Variants in NSMCE2 observed in about 807,000 individuals in gnomAD.
NSMCE2 encodes the protein E3 SUMO-protein ligase NSE2.
A neutral mutation model predicts 23.8 loss-of-function variants in NSMCE2; 24 were observed. That is an observed-to-expected ratio of 1.01 (90% CI 0.73 to 1.42). The LOEUF is 1.42. Among genes scored for constraint, NSMCE2 ranks in the 40% most tolerant of loss-of-function variants. The probability of loss-of-function intolerance (pLI) is 0.00; values close to 1 mark genes in which losing one functional copy is unlikely to be tolerated. For synonymous variants in NSMCE2, 92 were observed against 94.1 expected (o/e 0.98, Z 0.13); for missense variants, 284 against 296.5 (o/e 0.96, Z 0.31).
intron 5 of NSMCE2, among the ~76,000 whole-genome samples, chr8:125,268,531 G>A (rs1827039575): frequency 6.6e-6 from 1 of 152,182 alleles, no homozygotes; most frequent in Admixed American, 6.5e-5. Context: ...TGAAGCAGTG[G>A]TGTGATGAGT....
chr8:125,357,672 C>T (rs750778637), intron 6 of NSMCE2, 40 bp from the exon 7 acceptor site: 3 of 1,447,230 alleles, frequency 2.1e-6, no homozygotes, highest in Non-Finnish European at 2.9e-6. Context: ...GGAAGTTGAT[C>T]ATTATCATTC....
At chr8:125,311,477 C>T (rs1828970752) in intron 5 of NSMCE2, among the ~76,000 whole-genome samples, 1 of 152,218 alleles carries the variant, frequency 6.6e-6, no homozygotes, top group African/African-American at 2.4e-5. Flanking sequence ...TATGATGTCA[C>T]TAGAAGTTCT....
chr8:125,255,060 G>A lies in NSMCE2; in HGVS notation c.418+72804G>A, dbSNP rs370666970. Among the ~76,000 whole-genome samples the A allele has an allele frequency of 2.1e-3, 312 of 152,134 alleles. 1 individual carries two copies. Among genetic ancestry groups the A allele is most frequent in the Middle Eastern group, 0.01 (3 of 294 alleles). On this transcript the variant is annotated intron_variant, in intron 5 of 7. Transcript: ENST00000287437. ...AAGAACCTAGCAGCGTCCACTTCCT[G>A]TCTCCTTGTATGCTCACTCTTGGAA...
Position 125,311,897 on chromosome 8 carries a change from G to GGAGAAACACCTC in NSMCE2, c.419-45321_419-45320insAGAAACACCTCG, listed in dbSNP as rs1239495223. Among the ~76,000 whole-genome samples the GGAGAAACACCTC allele has an allele frequency of 1.4e-4, 22 of 151,852 alleles. No homozygotes were observed. In the South Asian group the frequency reaches 1.5e-3, roughly 10 times the overall value. The stretch of plus-strand genomic sequence containing the variant: ...AGTTCGAGACCAGCCTGACCAACAT[G>GGAGAAACACCTC]GTCTCTACTAAAAATACAAAATTAG... On this transcript the variant is annotated intron_variant, in intron 5 of 7. Coordinates refer to ENST00000287437, the MANE Select transcript of NSMCE2 (RefSeq NM_173685.4).
intron 5 of NSMCE2, among the ~76,000 whole-genome samples, chr8:125,221,021 G>A (rs1824832878): frequency 6.6e-6 from 1 of 152,134 alleles, no homozygotes; most frequent in South Asian, 2.1e-4. Context: ...CTTCCTCAGA[G>A]CTAGAATATA....
chr8:125,214,056 A>T (rs976258269), intron 5 of NSMCE2, among the ~76,000 whole-genome samples: 2 of 152,194 alleles, frequency 1.3e-5, no homozygotes, highest in African/African-American at 4.8e-5. Context: ...TAAACAAATA[A>T]CTTTTATTTA....
chr8:125,188,176 T>C (rs968275204), intron 5 of NSMCE2, among the ~76,000 whole-genome samples: 2 of 152,364 alleles, frequency 1.3e-5, no homozygotes, highest in Middle Eastern at 3.4e-3. Flanking sequence ...TGAAGGATAC[T>C]ATTAAGTCTT....
chr8:125,215,289 G>A (rs1268947481), intron 5 of NSMCE2, among the ~76,000 whole-genome samples: 1 of 148,544 alleles, frequency 6.7e-6, no homozygotes, highest in Non-Finnish European at 1.5e-5. Context: ...AGAATATGCG[G>A]TGTTTGGTTT....
At chr8:125,279,919 T>C (rs561170942) in intron 5 of NSMCE2, among the ~76,000 whole-genome samples, 3 of 152,368 alleles carry the variant, frequency 2.0e-5, no homozygotes, top group East Asian at 1.9e-4. Context: ...CGCAGTCATC[T>C]ATCCTCTCTA....
intron 5 of NSMCE2, among the ~76,000 whole-genome samples, chr8:125,238,231 C>T (rs1210160432): frequency 6.6e-6 from 1 of 152,104 alleles, no homozygotes; most frequent in Non-Finnish European, 1.5e-5. Flanking sequence ...GCAAGTAGAG[C>T]AGGCAGGGAA....
intron 5 of NSMCE2, among the ~76,000 whole-genome samples, chr8:125,301,147 C>T (rs1191831441): frequency 1.3e-5 from 2 of 152,314 alleles, no homozygotes; most frequent in African/African-American, 2.4e-5. Flanking sequence ...GCCTGACCTC[C>T]ATCATAACTT....
chr8:125,245,802 G>C (rs183985093), intron 5 of NSMCE2, among the ~76,000 whole-genome samples: 171 of 152,302 alleles, frequency 1.1e-3, no homozygotes, highest in Middle Eastern at 6.8e-3. Flanking sequence ...GGGAGGCCCA[G>C]GCAGTGGATC....
At chr8:125,245,736 T>G (rs2130994124) in intron 5 of NSMCE2, among the ~76,000 whole-genome samples, 1 of 151,964 alleles carries the variant, frequency 6.6e-6, no homozygotes, top group African/African-American at 2.4e-5. Flanking sequence ...AAAATTAAGA[T>G]CAAAAGAAAA....
intron 4 of NSMCE2, among the ~76,000 whole-genome samples, chr8:125,169,842 A>T (rs1352479895): frequency 6.6e-6 from 1 of 151,230 alleles, no homozygotes; most frequent in African/African-American, 2.4e-5. Context: ...TTACCTCTCT[A>T]GTCTCATTTT....
chr8:125,161,576 T>A (rs1042237616), intron 4 of NSMCE2, among the ~76,000 whole-genome samples: 6 of 152,018 alleles, frequency 3.9e-5, no homozygotes, highest in African/African-American at 1.5e-4. Flanking sequence ...GGCGGTTGGA[T>A]CATCTGAGGC....
intron 3 of NSMCE2, among the ~76,000 whole-genome samples, chr8:125,119,486 G>A (rs1819169425): frequency 6.6e-6 from 1 of 152,142 alleles, no homozygotes; most frequent in African/African-American, 2.4e-5. Context: ...CTGAAGCTTG[G>A]TTTAGGTTTC....
At chr8:125,157,090 C>A (rs1361268722) in intron 4 of NSMCE2, among the ~76,000 whole-genome samples, 1 of 151,880 alleles carries the variant, frequency 6.6e-6, no homozygotes, top group East Asian at 1.9e-4. Context: ...AAGAATATAC[C>A]CCACTCTATT....
At chr8:125,117,380 C>G (rs1044840879) in intron 3 of NSMCE2, among the ~76,000 whole-genome samples, 1 of 152,144 alleles carries the variant, frequency 6.6e-6, no homozygotes, top group Admixed American at 6.5e-5. Context: ...AGCCACTGCT[C>G]CCAGCCTTCA....
chr8:125,327,060 C>G (rs1370899282), intron 5 of NSMCE2, among the ~76,000 whole-genome samples: 1 of 151,348 alleles, frequency 6.6e-6, no homozygotes, highest in Non-Finnish European at 1.5e-5. Context: ...GTCAGGAGTT[C>G]CACACCAGCC....
Sources: allele counts gnomAD v4.1 joint callset (sites outside exome capture counted in the v4.1 genomes callset), GRCh38; gene constraint gnomAD v4.1.1; transcripts MANE v1.5; gene names NCBI Gene and HGNC (gene_info 2026-07-23, HGNC 2026-07-21).